MSRA: variants seen among roughly 807,000 people sequenced by gnomAD.
MSRA encodes the protein methionine sulfoxide reductase A, also known as mitochondrial peptide methionine sulfoxide reductase.
MSRA carries 54 observed loss-of-function variants against 31.3 expected under a neutral mutation model. The observed-to-expected ratio is 1.73, with a 90% CI of 1.39 to 2.17. MSRA has a LOEUF of 2.17. MSRA is among the 30% of genes most tolerant of loss of function. The pLI, the probability that MSRA is intolerant of heterozygous loss-of-function variation, is 0.00. For synonymous variants in MSRA, 169 were observed against 116.5 expected (o/e 1.45, Z -2.90); for missense variants, 507 against 300.9 (o/e 1.69, Z -5.07).
At chr8:10,168,883 T>A (rs566271908) in intron 1 of MSRA, among the ~76,000 whole-genome samples, 2 of 152,368 alleles carry the variant, frequency 1.3e-5, no homozygotes, top group African/African-American at 2.4e-5. Flanking sequence ...ACACCTGATA[T>A]ATTGTTTCCA....
intron 5 of MSRA, among the ~76,000 whole-genome samples, chr8:10,427,867 C>T (rs887809538): frequency 6.6e-6 from 1 of 152,224 alleles, no homozygotes; most frequent in Non-Finnish European, 1.5e-5. Context: ...GGGCCCCCAA[C>T]ATGCACTTGG....
intron 2 of MSRA, among the ~76,000 whole-genome samples, chr8:10,216,719 A>G (rs961370855): frequency 6.6e-6 from 1 of 152,228 alleles, no homozygotes; most frequent in East Asian, 1.9e-4. Flanking sequence ...AATGTCTTCA[A>G]AGTTCATCCA....
intron 5 of MSRA, among the ~76,000 whole-genome samples, chr8:10,423,934 A>C (rs6601459): frequency 0.74 from 112,701 of 151,824 alleles, 43,543 homozygotes; most frequent in Non-Finnish European, 0.87. Flanking sequence ...TTCATTCATT[A>C]ATTGCACACA....
intron 1 of MSRA, among the ~76,000 whole-genome samples, chr8:10,077,961 A>T (rs1452766329): frequency 6.6e-6 from 1 of 152,224 alleles, no homozygotes; most frequent in African/African-American, 2.4e-5. Context: ...TAGTGAAAAT[A>T]TTCACTAATA....
At chr8:10,303,747 G>A (rs543239758) in intron 4 of MSRA, among the ~76,000 whole-genome samples, 1 of 152,154 alleles carries the variant, frequency 6.6e-6, no homozygotes, top group Non-Finnish European at 1.5e-5. Flanking sequence ...ATGATGGTTA[G>A]TTAAGGGTAG....
chr8:10,250,160 TG>T (rs1797843074), intron 3 of MSRA, among the ~76,000 whole-genome samples: 1 of 152,176 alleles, frequency 6.6e-6, no homozygotes, highest in Non-Finnish European at 1.5e-5. Flanking sequence ...GCAAACCAAC[TG>T]ATTAACTGGC....
chr8:10,157,457 T>C (rs1373250287), intron 1 of MSRA, among the ~76,000 whole-genome samples: 1 of 152,120 alleles, frequency 6.6e-6, no homozygotes, highest in Admixed American at 6.6e-5. Flanking sequence ...AAAGAATTTT[T>C]AAAAAGATTA....
At chr8:10,109,514 T>A (rs553932786) in intron 1 of MSRA, among the ~76,000 whole-genome samples, 1 of 152,112 alleles carries the variant, frequency 6.6e-6, no homozygotes, top group East Asian at 1.9e-4. Context: ...AGCTAATTAT[T>A]TGTATTTTTG....
At chr8:10,204,714 T>C (rs889887662) in intron 1 of MSRA, among the ~76,000 whole-genome samples, 1 of 152,242 alleles carries the variant, frequency 6.6e-6, no homozygotes, top group Non-Finnish European at 1.5e-5. Flanking sequence ...GATGCATAAC[T>C]GTATATATGT....
intron 1 of MSRA, among the ~76,000 whole-genome samples, chr8:10,152,637 T>G (rs1418233029): frequency 6.6e-6 from 1 of 152,134 alleles, no homozygotes; most frequent in Non-Finnish European, 1.5e-5. Context: ...ACAGAAGTAC[T>G]TTTTTTCCCC....
rs59983936 is a variant in MSRA at position 10,171,472 on chromosome 8, G to A, written c.143-36361G>A. Among the ~76,000 whole-genome samples, 727 of 150,394 alleles carry A rather than the reference G, an allele frequency of 4.8e-3. 3 individuals carry two copies. The highest frequency in any genetic ancestry group is 0.021 in the East Asian group (105 of 5,114). Reference sequence around the variant, plus strand: ...ATCAAATTTTCACCTTTTAGTTTCCGTGAGAGAAAACAAGGGCCTTACACC... The same window carrying A: ...ATCAAATTTTCACCTTTTAGTTTCCATGAGAGAAAACAAGGGCCTTACACC... On this transcript the variant is annotated intron_variant, in intron 1 of 5. Coordinates refer to ENST00000317173, the MANE Select transcript of MSRA (RefSeq NM_012331.5).
chr8:10,268,546 A>G (rs551111637), intron 3 of MSRA, among the ~76,000 whole-genome samples: 2 of 152,312 alleles, frequency 1.3e-5, no homozygotes, highest in Middle Eastern at 3.4e-3. Context: ...TTCTCTCCCT[A>G]TCATCTAGAC....
intron 3 of MSRA, among the ~76,000 whole-genome samples, chr8:10,276,368 A>G (rs1015424583): frequency 5.3e-5 from 8 of 152,020 alleles, no homozygotes; most frequent in Admixed American, 2.6e-4. Context: ...GTTTCTTGCA[A>G]TTTCCTTTGT....
At chr8:10,406,542 A>G (rs1585705540) in intron 5 of MSRA, among the ~76,000 whole-genome samples, 1 of 152,158 alleles carries the variant, frequency 6.6e-6, no homozygotes. Context: ...GGTTACATCC[A>G]GGGTGTTGGT....
intron 5 of MSRA, among the ~76,000 whole-genome samples, chr8:10,382,093 C>G (rs1281831956): frequency 6.6e-6 from 1 of 152,228 alleles, no homozygotes; most frequent in African/African-American, 2.4e-5. Context: ...AAGTGGCTTT[C>G]TAGAAGCTCT....
chr8:10,409,757 C>T (rs868429734), intron 5 of MSRA, among the ~76,000 whole-genome samples: 8 of 152,236 alleles, frequency 5.3e-5, no homozygotes, highest in African/African-American at 1.7e-4. Flanking sequence ...TTAATAGACT[C>T]AATCAAGATA....
chr8:10,065,658 G>A (rs968140104), intron 1 of MSRA, among the ~76,000 whole-genome samples: 11 of 152,184 alleles, frequency 7.2e-5, no homozygotes, highest in African/African-American at 2.7e-4. Flanking sequence ...TTAACAACCT[G>A]GCAGTTATTT....
chr8:10,107,080 C>G (rs532284938), intron 1 of MSRA, among the ~76,000 whole-genome samples: 3 of 152,138 alleles, frequency 2.0e-5, no homozygotes, highest in Admixed American at 6.6e-5. Flanking sequence ...GCTGCCATCA[C>G]CCAGCTGATG....
At chr8:10,296,273 C>T (rs552597522) in intron 3 of MSRA, among the ~76,000 whole-genome samples, 4 of 152,252 alleles carry the variant, frequency 2.6e-5, no homozygotes, top group Middle Eastern at 3.4e-3. Context: ...AAGGAGGCGT[C>T]CTTAAATCTT....
Sources: allele counts gnomAD v4.1 joint callset (sites outside exome capture counted in the v4.1 genomes callset), GRCh38; gene constraint gnomAD v4.1.1; transcripts MANE v1.5; gene names NCBI Gene and HGNC (gene_info 2026-07-23, HGNC 2026-07-21).